OVCH2: variants seen among roughly 807,000 people sequenced by gnomAD.
OVCH2 encodes ovochymase-2.
Under a neutral mutation model 73.7 loss-of-function variants are expected in OVCH2, and 88 were observed. That is an observed-to-expected ratio of 1.19 (90% confidence interval 1.01 to 1.43). The LOEUF (loss-of-function observed/expected upper bound fraction) is 1.43, where lower values mean the gene tolerates loss of function less well. Among genes scored for constraint, OVCH2 ranks in the 40% most tolerant of loss-of-function variants. The probability of loss-of-function intolerance (pLI) is 0.00; values close to 1 mark genes in which losing one functional copy is unlikely to be tolerated. For synonymous variants in OVCH2, 265 were observed against 234.5 expected, an observed-to-expected ratio of 1.13 and a Z score of -1.19; for missense variants, 706 against 674.5, an observed-to-expected ratio of 1.05 and a Z score of -0.52.
rs3925027 is a variant in OVCH2, at chr11:7,695,615, C to G, written c.1237G>C (p.Gly413Arg). ...FVSDATDNAAGFNLTYKALKP... is the reference protein window; with the variant it reads ...FVSDATDNAARFNLTYKALKP... ...AGAGCTTTATAGGTAAGATTAAACC[C>G]AGCTGCATTATCTGTGGCATCAGAG... is the stretch of plus-strand genomic sequence containing the variant. The change falls in exon 11 of 16, where the codon GGG (glycine) becomes CGG (arginine). Residue 413 changes from glycine to arginine, a missense_variant. Transcript: ENST00000533663. 17,325 of 1,612,992 alleles carry G rather than the reference C, an allele frequency of 0.011. 189 individuals are homozygous for G. Among genetic ancestry groups the G allele is most frequent in the African/African-American group, 0.046 (3,417 of 74,406 alleles).
intron 15 of OVCH2, 134 bp from the exon 16 acceptor site, chr11:7,689,736 A>T: frequency 1.5e-6 from 1 of 674,702 alleles, no homozygotes; most frequent in Non-Finnish European, 2.7e-6. Context: ...GCCCAGGCTA[A>T]TAACCTCATT....
At chr11:7,697,099 C>CG (rs1221942780) in intron 8 of OVCH2, 1 of 361,798 alleles carries the variant, frequency 2.8e-6, no homozygotes, top group African/African-American at 2.1e-5. Context: ...TGCAGTGGCA[C>CG]GATCACAGCT....
chr11:7,688,621 G>A (rs554498489), downstream of OVCH2, among the ~76,000 whole-genome samples: 122 of 152,004 alleles, frequency 8.0e-4, no homozygotes, highest in Non-Finnish European at 1.3e-3. Context: ...CTATGTGTCC[G>A]AAAATTTATA....
chr11:7,698,621 C>T, intron 8 of OVCH2, 129 bp downstream of exon 8: 1 of 882,008 alleles, frequency 1.1e-6, no homozygotes, highest in Non-Finnish European at 1.7e-6. Context: ...GCTGTAGGTG[C>T]TCCAGGTGGT....
intron 8 of OVCH2, among the ~76,000 whole-genome samples, chr11:7,697,714 G>A (rs1004866925): frequency 2.6e-5 from 4 of 151,834 alleles, no homozygotes; most frequent in African/African-American, 7.3e-5. Context: ...CTCATTTCTC[G>A]TTTCTATTCC....
chr11:7,685,327 G>C (rs183835097), downstream of OVCH2, among the ~76,000 whole-genome samples: 1 of 152,242 alleles, frequency 6.6e-6, no homozygotes, highest in East Asian at 1.9e-4. Flanking sequence ...GACATTGGAA[G>C]GGCATTTTGC....
intron 10 of OVCH2, among the ~76,000 whole-genome samples, chr11:7,696,027 C>T (rs1364553883): frequency 6.6e-6 from 1 of 152,178 alleles, no homozygotes; most frequent in Admixed American, 6.5e-5. Context: ...AGCTGAGAAA[C>T]CACAGAAACA....
chr11:7,691,228 T>G (rs375173533), intron 14 of OVCH2, 41 bp downstream of exon 14: 68 of 1,561,846 alleles, frequency 4.4e-5, no homozygotes, highest in Non-Finnish European at 5.6e-5. Flanking sequence ...TCACAAGGAT[T>G]AGAACTGGGA....
At position 7,700,394 on chromosome 11, in the gene OVCH2, C is replaced by T; in HGVS notation, c.803G>A (p.Gly268Asp). Reference sequence around the variant, plus strand: ...ACTTTTCCTCACATTGTTTCTCCAGCCTCGACCACAGCCCAAACCCCAGGA... The same window carrying T: ...ACTTTTCCTCACATTGTTTCTCCAGTCTCGACCACAGCCCAAACCCCAGGA... ...VTSWGLGCGR[G>D]WRNNVRKSDQ... is the part of the protein sequence containing the mutation. The change falls in exon 7 of 16, where the codon GGC (glycine) becomes GAC (aspartate). Residue 268 changes from glycine to aspartate, a missense_variant. Transcript: ENST00000533663. 1.9e-6 allele frequency: 3 copies of T among 1,613,428 alleles called. No individual in the cohort carries two copies. The highest frequency in any genetic ancestry group is 2.2e-5 in the East Asian group (1 of 44,848).
chr11:7,690,300 T>C (rs960383843), intron 14 of OVCH2, among the ~76,000 whole-genome samples: 1 of 152,212 alleles, frequency 6.6e-6, no homozygotes, highest in Non-Finnish European at 1.5e-5. Context: ...GGAAGCTGGT[T>C]AGGTAGTTCG....
At chr11:7,695,534 T>C in intron 11 of OVCH2, 36 bp downstream of exon 11, 2 of 1,570,182 alleles carry the variant, frequency 1.3e-6, no homozygotes, top group Non-Finnish European at 1.7e-6. Flanking sequence ...CTACAGAAGG[T>C]GGAGATAGTA....
At chr11:7,704,309 T>C (rs1413679269) in intron 2 of OVCH2, among the ~76,000 whole-genome samples, 1 of 152,192 alleles carries the variant, frequency 6.6e-6, no homozygotes, top group African/African-American at 2.4e-5. Flanking sequence ...TTCAAGCCTA[T>C]TCTTTACCCT....
At chr11:7,689,665 G>A (rs1379400414) in intron 15 of OVCH2, 63 bp from the exon 16 acceptor site, 1 of 557,402 alleles carries the variant, frequency 1.8e-6, no homozygotes. Flanking sequence ...CCCTGTGTGT[G>A]TATGTCTCTC....
chr11:7,690,003 A>T lies in OVCH2; in HGVS notation c.1650T>A (p.Asp550Glu). Residue 550 changes from aspartate (D) to glutamate (E), a missense_variant, in exon 15 of 16, where the codon GAT (aspartate) becomes GAA (glutamate). Asp to Glu is a conservative substitution (Grantham distance 45). Transcript: ENST00000533663. ...CATCCTCTGATATGGAGATGTTTAAATCTGGGTATACTGGGTATAAGTATG... is the reference window on the plus strand; with the variant it reads ...CATCCTCTGATATGGAGATGTTTAATTCTGGGTATACTGGGTATAAGTATG... ...VSFIPKAVYPDLNISISEDES... is the reference protein window; with the variant it reads ...VSFIPKAVYPELNISISEDES... 6.6e-7 allele frequency: 1 copy of T among 1,520,042 alleles called. No individual in the cohort carries two copies. Among genetic ancestry groups the T allele is most frequent in the Non-Finnish European group, 8.8e-7 (1 of 1,132,416 alleles). The allele number at this position is 1,520,042 out of a possible 1,614,324, so 94.2% of individuals were successfully genotyped here. A position where few individuals can be genotyped will look rare whatever the true frequency, so the allele number is the denominator to read the frequency against.
rs4505055 is a variant in OVCH2, at chr11:7,689,498, C to G, written c.*136G>C. 278,996 of 360,738 alleles carry G rather than the reference C, an allele frequency of 0.77. 108,598 individuals are homozygous for G. Among genetic ancestry groups the G allele is most frequent in the Non-Finnish European group, 0.81 (145,341 of 180,524 alleles). 22.3% of individuals were successfully genotyped at this position (360,738 alleles called of 1,614,324 possible). On this transcript the variant is annotated 3_prime_UTR_variant, in exon 16 of 16. Coordinates refer to ENST00000533663, the MANE Select transcript of OVCH2 (RefSeq NM_198185.7). Reference sequence around the variant, plus strand: ...CTGGAGGCTAGAAGTCCAAGATCAACGTGTCAGCAGGGATGGCTCTGTCTG... The same window carrying G: ...CTGGAGGCTAGAAGTCCAAGATCAAGGTGTCAGCAGGGATGGCTCTGTCTG...
At chr11:7,701,220 C>T in intron 6 of OVCH2, 104 bp downstream of exon 6, 1 of 1,378,040 alleles carries the variant, frequency 7.3e-7, no homozygotes, top group South Asian at 1.5e-5. Flanking sequence ...CTCCAATATG[C>T]TTTCTAATTA....
the OVCH2 span, among the ~76,000 whole-genome samples, chr11:7,681,330 A>G: frequency 1.3e-5 from 2 of 152,216 alleles, no homozygotes; most frequent in African/African-American, 4.8e-5. Context: ...GTATAAAGCA[A>G]TGGCAATATT....
the OVCH2 span, among the ~76,000 whole-genome samples, chr11:7,679,191 T>C: frequency 6.6e-6 from 1 of 152,194 alleles, no homozygotes; most frequent in South Asian, 2.1e-4. Flanking sequence ...GTGCATGATA[T>C]TGTGAAATAT....
At chr11:7,702,558 A>C (rs1298688060) in intron 3 of OVCH2, among the ~76,000 whole-genome samples, 1 of 152,226 alleles carries the variant, frequency 6.6e-6, no homozygotes, top group Admixed American at 6.5e-5. Context: ...CAAGGATATG[A>C]TGAATTTAAT....
Sources: gnomAD v4.1 joint callset for allele counts (sites outside exome capture counted in the v4.1 genomes callset) on GRCh38, gnomAD v4.1.1 for gene constraint, MANE v1.5 for transcripts, NCBI Gene and HGNC (gene_info 2026-07-23, HGNC 2026-07-21) for gene names.